The following ZNF718 variants were observed in gnomAD, a reference collection of about 807,000 sequenced individuals.
ZNF718 encodes zinc finger protein 718.
Under a neutral mutation model 2.6 loss-of-function variants are expected in ZNF718, and 3 were observed. The observed-to-expected ratio is 1.16, with a 90% CI of 0.53 to 3.01. ZNF718 has a LOEUF of 3.01. Ranked by LOEUF, ZNF718 falls within the 30% of genes most tolerant of loss-of-function variation. The pLI is 0.03. For synonymous variants in ZNF718, 135 were observed against 77.9 expected, an observed-to-expected ratio of 1.73 and a Z score of -3.86; for missense variants, 468 against 230.0, an observed-to-expected ratio of 2.03 and a Z score of -6.69.
rs1715380235 is a variant in ZNF718 at position 132,880 on chromosome 4, C to T, written c.226+1375C>T. On this transcript the variant is annotated intron_variant, in intron 3 of 3. Coordinates refer to ENST00000510175, the MANE Select transcript of ZNF718 (RefSeq NM_001039127.6). ...TGGAGGAAAAATTGTCTTGGCCACA[C>T]ATAAAATACAGTAACGTGGCCGGAC... 3.0e-5 allele frequency among the ~76,000 whole-genome samples: 3 copies of T among 101,104 alleles called. 1 individual carries two copies. Among genetic ancestry groups the T allele is most frequent in the African/African-American group, 1.0e-4 (3 of 29,046 alleles). The allele number at this position is 101,104 out of a possible 152,430, so 66.3% of individuals were successfully genotyped here.
At chr4:147,191 A>C (rs1417199649) in intron 3 of ZNF718, among the ~76,000 whole-genome samples, 1 of 152,056 alleles carries the variant, frequency 6.6e-6, no homozygotes, top group African/African-American at 2.4e-5. Flanking sequence ...GACTGGTGAG[A>C]TGCTTGAAGA....
chr4:166,249 C>G (rs111887840), downstream of ZNF718, among the ~76,000 whole-genome samples: 1,299 of 152,218 alleles, frequency 8.5e-3, 18 homozygotes, highest in Middle Eastern at 0.061. Flanking sequence ...CCAGTCTACA[C>G]TGTTGGACAT....
At chr4:139,240 AGTTTC>A (rs1715705547) in intron 3 of ZNF718, among the ~76,000 whole-genome samples, 1 of 152,104 alleles carries the variant, frequency 6.6e-6, no homozygotes, top group African/African-American at 2.4e-5. Context: ...TTTTTGTAGT[AGTTTC>A]ATAGTTTGAT....
intron 3 of ZNF718, among the ~76,000 whole-genome samples, chr4:172,958 T>G (rs1717269829): frequency 6.6e-6 from 1 of 152,050 alleles, no homozygotes; most frequent in Non-Finnish European, 1.5e-5. Flanking sequence ...GGCAGGAGAA[T>G]CGCTTGAACC....
At position 193,210 on chromosome 4, in the gene ZNF718, G is replaced by A. The variant is rs536466168; in HGVS notation, c.227-7871G>A. ...AGGGTTCCACCTTGCGGCTCTTTTC[G>A]CTTCAATATCTGCTTGGCAATTCCC... On this transcript the variant is annotated intron_variant and NMD_transcript_variant, in intron 3 of 4. Coordinates refer to the ZNF718 transcript ENST00000642529. Among the ~76,000 whole-genome samples the A allele has an allele frequency of 5.9e-5, 9 of 152,020 alleles. No individual in the cohort carries two copies. In the South Asian group the frequency reaches 1.0e-3, roughly 18 times the overall value.
At position 171,179 on chromosome 4, in the gene ZNF718, A is replaced by C. The variant is rs936364203; in HGVS notation, c.227-29902A>C. 3.3e-4 allele frequency among the ~76,000 whole-genome samples: 50 copies of C among 152,186 alleles called. 1 individual carries two copies. Among genetic ancestry groups the C allele is most frequent in the Admixed American group, 6.5e-5 (1 of 15,282 alleles). ...AACAGCGGATATTGGTGAACAGCAGATGTTGCTGCCTGATCGTTCCTCTGG... is the reference window on the plus strand; with the variant it reads ...AACAGCGGATATTGGTGAACAGCAGCTGTTGCTGCCTGATCGTTCCTCTGG... On this transcript the variant is annotated intron_variant and NMD_transcript_variant, in intron 3 of 4. Coordinates refer to the ZNF718 transcript ENST00000642529.
exon 5 of ZNF718, chr4:201,808 C>A: frequency 5.1e-6 from 1 of 195,502 alleles, no homozygotes; most frequent in South Asian, 1.1e-4. Context: ...GGAAGAGATT[C>A]AGCACCAGCA....
At position 128,655 on chromosome 4, in the gene ZNF718, A is replaced by G. The variant is rs1466163404; in HGVS notation, c.4-2133A>G. Among the ~76,000 whole-genome samples the G allele has an allele frequency of 2.0e-5, 2 of 101,732 alleles. 1 individual carries two copies. The highest frequency in any genetic ancestry group is 6.9e-5 in the African/African-American group (2 of 29,170). The allele number at this position is 101,732 out of a possible 152,430, so 66.7% of individuals were successfully genotyped here. On this transcript the variant is annotated intron_variant, in intron 1 of 3. Transcript: ENST00000510175. The stretch of plus-strand genomic sequence containing the variant: ...GATCACTATGAGGGCATCATTACTC[A>G]GCATCTTTGAGTAATGAGACATTTG...
At chr4:170,231 G>A (rs548728481) in intron 3 of ZNF718, among the ~76,000 whole-genome samples, 1,883 of 152,238 alleles carry the variant, frequency 0.012, 44 homozygotes, top group African/African-American at 0.043. Flanking sequence ...TTAGTCTGAT[G>A]GGCTTCCCTT....
chr4:134,148 T>G (rs1259382638), intron 3 of ZNF718, among the ~76,000 whole-genome samples: 7 of 152,064 alleles, frequency 4.6e-5, no homozygotes, highest in Non-Finnish European at 1.0e-4. Context: ...TTTGTTTTGT[T>G]TTGTTTTGTT....
At position 162,845 on chromosome 4, in the gene ZNF718, A is replaced by G. The variant is rs1553815930; in HGVS notation, c.*723A>G. ...TTGTAGATGCGGTAAGTATGAAAAG[A>G]TAGTCTGAAATTAAGACTAAATGTC... On this transcript the variant is annotated 3_prime_UTR_variant, in exon 4 of 4. Coordinates refer to ENST00000510175, the MANE Select transcript of ZNF718 (RefSeq NM_001039127.6). 1 of 152,198 alleles carries G rather than the reference A, an allele frequency of 6.6e-6. No individual in the cohort carries two copies. The highest frequency in any genetic ancestry group is 1.5e-5 in the Non-Finnish European group (1 of 68,016). The allele number at this position is 152,198 out of a possible 1,614,324, so 9.4% of individuals were successfully genotyped here. A position where few individuals can be genotyped will look rare whatever the true frequency, so the allele number is the denominator to read the frequency against.
chr4:124,522 C>G lies in ZNF718; in HGVS notation c.-149C>G, dbSNP rs1156731696. 1 of 1,122,938 alleles carries G rather than the reference C, an allele frequency of 8.9e-7. No individual in the cohort carries two copies. The highest frequency in any genetic ancestry group is 1.3e-6 in the Non-Finnish European group (1 of 758,402). The allele number at this position is 1,122,938 out of a possible 1,614,324, so 69.6% of individuals were successfully genotyped here. Reference sequence around the variant, plus strand: ...GCGCGGCTTTTGCTTGTAGCTCCAGCCAGAGCTCGGTTAGGGCCTCATCGC... The same window carrying G: ...GCGCGGCTTTTGCTTGTAGCTCCAGGCAGAGCTCGGTTAGGGCCTCATCGC... On this transcript the variant is annotated 5_prime_UTR_variant, in exon 1 of 4. Transcript: ENST00000510175.
At chr4:147,346 A>C (rs782545242) in intron 3 of ZNF718, among the ~76,000 whole-genome samples, 3 of 152,156 alleles carry the variant, frequency 2.0e-5, no homozygotes, top group Non-Finnish European at 4.4e-5. Flanking sequence ...TGAAGAAGCA[A>C]ATGCCTCTTT....
chr4:144,347 A>G (rs1231962571), intron 3 of ZNF718, among the ~76,000 whole-genome samples: 1 of 152,196 alleles, frequency 6.6e-6, no homozygotes, highest in Non-Finnish European at 1.5e-5. Flanking sequence ...TTGCTGTAAT[A>G]TGGATTTATC....
At chr4:177,708 C>T (rs1717377703) in intron 3 of ZNF718, among the ~76,000 whole-genome samples, 1 of 152,120 alleles carries the variant, frequency 6.6e-6, no homozygotes. Context: ...GCAAGTCAAA[C>T]CTGAGAGAAC....
chr4:164,604 G>T (rs1717044212), downstream of ZNF718, among the ~76,000 whole-genome samples: 1 of 152,018 alleles, frequency 6.6e-6, no homozygotes, highest in Non-Finnish European at 1.5e-5. Flanking sequence ...GAAATTATAA[G>T]AATGATTTTT....
chr4:159,161 C>T (rs913742275), intron 3 of ZNF718, among the ~76,000 whole-genome samples: 10 of 151,488 alleles, frequency 6.6e-5, no homozygotes, highest in Non-Finnish European at 1.0e-4. Flanking sequence ...CTCAGCCTCC[C>T]GAGTAGCTGG....
In ZNF718 at chr4:163,246, C is replaced by T. The variant is rs111663119; in HGVS notation, c.*1124C>T. 0.055 allele frequency: 8,325 copies of T among 150,778 alleles called. 629 individuals carry two copies. The highest frequency in any genetic ancestry group is 0.17 in the African/African-American group (6,962 of 41,060). 9.3% of individuals were successfully genotyped at this position (150,778 alleles called of 1,614,324 possible). The stretch of plus-strand genomic sequence containing the variant: ...TGTCGCCCAGGCTGGAGTGCAGTGG[C>T]GGGATCTCGGCTCACTGCAAGCTCT... On this transcript the variant is annotated 3_prime_UTR_variant, in exon 4 of 4. Transcript: ENST00000510175.
rs368957073 is a variant in ZNF718, at chr4:124,685, G to A, written c.3+12G>A. The A allele has an allele frequency of 3.2e-5, 52 of 1,609,360 alleles. No homozygotes were observed. The highest frequency in any genetic ancestry group is 8.9e-5 in the East Asian group (4 of 44,846). ...GAAGTCGGGAAATGGTGAGTGTGCA[G>A]GGCAGGGCGTCCCAAGGCTGTGGAG... On this transcript the variant is annotated intron_variant, in intron 1 of 3. Coordinates refer to ENST00000510175, the MANE Select transcript of ZNF718 (RefSeq NM_001039127.6).
Sources: allele counts gnomAD v4.1 joint callset (sites outside exome capture counted in the v4.1 genomes callset), GRCh38; gene constraint gnomAD v4.1.1; transcripts MANE v1.5; gene names NCBI Gene and HGNC (gene_info 2026-07-23, HGNC 2026-07-21).